CPVL: variants seen among roughly 807,000 people sequenced by gnomAD.
The protein encoded by CPVL is probable serine carboxypeptidase CPVL.
In CPVL, 51 loss-of-function variants were observed where a neutral mutation model predicts 63.7. The observed-to-expected ratio is 0.80, with a 90% confidence interval of 0.64 to 1.01. The LOEUF is 1.01. Among genes scored for constraint, CPVL ranks in the 50% least tolerant of loss-of-function variants. The pLI, the probability that CPVL is intolerant of heterozygous loss-of-function variation, is 0.00. For synonymous variants in CPVL, 195 were observed against 206.0 expected (o/e 0.95, Z 0.46); for missense variants, 530 against 573.1 (o/e 0.92, Z 0.77).
At chr7:29,085,418 A>G (rs776960480) in intron 7 of CPVL, among the ~76,000 whole-genome samples, 1 of 152,260 alleles carries the variant, frequency 6.6e-6, no homozygotes, top group Non-Finnish European at 1.5e-5. Flanking sequence ...ACAATCTGTG[A>G]ATCCACAGTA....
chr7:29,121,376 C>T (rs1002438697), intron 1 of CPVL, among the ~76,000 whole-genome samples: 100 of 152,040 alleles, frequency 6.6e-4, no homozygotes, highest in Non-Finnish European at 2.6e-4. Flanking sequence ...TCACGTCTCA[C>T]TGTTGCCTTG....
chr7:29,021,772 G>A (rs549065050), intron 12 of CPVL, among the ~76,000 whole-genome samples: 1 of 151,874 alleles, frequency 6.6e-6, no homozygotes, highest in Admixed American at 6.6e-5. Flanking sequence ...AAGCAGCTAC[G>A]GCATGGTGCC....
intron 11 of CPVL, among the ~76,000 whole-genome samples, chr7:29,062,373 A>T (rs766624402): frequency 2.6e-4 from 39 of 152,180 alleles, no homozygotes; most frequent in Admixed American, 2.0e-4. Flanking sequence ...AGCAGCAAGC[A>T]CTAAGGGCCA....
In CPVL at chr7:29,040,307, A is replaced by G. The variant is rs1224960526; in HGVS notation, c.1138-9548T>C. ...TCACTATTATCCAGCTCAACAAACA[A>G]TAATTCCCATGGGTTTCCCAAAAGC... On this transcript the variant is annotated intron_variant, in intron 11 of 12. Coordinates refer to ENST00000265394, the MANE Select transcript of CPVL (RefSeq NM_031311.5). Among the ~76,000 whole-genome samples the G allele has an allele frequency of 2.0e-5, 3 of 152,336 alleles. 1 individual carries two copies. The highest frequency in any genetic ancestry group is 3.4e-3 in the Middle Eastern group (1 of 292).
intron 1 of CPVL, among the ~76,000 whole-genome samples, chr7:29,144,453 C>A (rs1792234125): frequency 6.6e-6 from 1 of 152,118 alleles, no homozygotes; most frequent in Non-Finnish European, 1.5e-5. Flanking sequence ...TCCAGCTACT[C>A]AGGAGGCTGA....
chr7:29,096,387 A>G, intron 3 of CPVL, 170 bp from the exon 4 acceptor site: 2 of 607,492 alleles, frequency 3.3e-6, no homozygotes, highest in Non-Finnish European at 5.9e-6. Flanking sequence ...AGTACTGATC[A>G]TCTTTGGTTC....
intron 11 of CPVL, among the ~76,000 whole-genome samples, chr7:29,038,121 C>A (rs1288153467): frequency 6.6e-6 from 1 of 152,050 alleles, no homozygotes; most frequent in East Asian, 1.9e-4. Flanking sequence ...TTGGTTAGTC[C>A]AAATGGTGTT....
At chr7:29,079,799 G>A (rs1021942554) in intron 7 of CPVL, among the ~76,000 whole-genome samples, 1 of 152,120 alleles carries the variant, frequency 6.6e-6, no homozygotes, top group Non-Finnish European at 1.5e-5. Flanking sequence ...GTTAGTGCTT[G>A]AAATTACCCT....
intron 9 of CPVL, among the ~76,000 whole-genome samples, chr7:29,068,979 G>A (rs980943827): frequency 1.3e-5 from 2 of 151,162 alleles, no homozygotes; most frequent in African/African-American, 2.4e-5. Flanking sequence ...CACTGCGCCC[G>A]GCCGAGGTGT....
chr7:29,133,368 C>T lies in CPVL; in HGVS notation c.-10-12297G>A, dbSNP rs58686535. On this transcript the variant is annotated intron_variant, in intron 1 of 12. Coordinates refer to ENST00000265394, the MANE Select transcript of CPVL (RefSeq NM_031311.5). ...GACAGTGCCCCTTTGGCAAATTTATCGATGCCTTGCCTTCTGTAATTTGTG... is the reference window on the plus strand; with the variant it reads ...GACAGTGCCCCTTTGGCAAATTTATTGATGCCTTGCCTTCTGTAATTTGTG... Among the ~76,000 whole-genome samples the T allele has an allele frequency of 1.5e-3, 231 of 152,292 alleles. 1 individual carries two copies. The highest frequency in any genetic ancestry group is 5.3e-3 in the African/African-American group (222 of 41,558).
intron 7 of CPVL, chr7:29,081,458 G>A (rs1402776508): frequency 6.6e-6 from 1 of 152,188 alleles, no homozygotes; most frequent in African/African-American, 2.4e-5. Context: ...TCTCTGGTGT[G>A]GCCACACCAT....
At chr7:29,164,367 G>T (rs1795618668) in intron 5 of CPVL, among the ~76,000 whole-genome samples, 1 of 151,988 alleles carries the variant, frequency 6.6e-6, no homozygotes, top group African/African-American at 2.4e-5. Context: ...AGTTGTAAGG[G>T]TTTATTTTAT....
At chr7:29,097,134 T>A (rs2128612357) in intron 3 of CPVL, among the ~76,000 whole-genome samples, 1 of 152,086 alleles carries the variant, frequency 6.6e-6, no homozygotes, top group African/African-American at 2.4e-5. Context: ...AAGGTACAGA[T>A]TTATTTAGGA....
intron 11 of CPVL, among the ~76,000 whole-genome samples, chr7:29,063,641 G>A (rs1214825196): frequency 6.6e-6 from 1 of 152,086 alleles, no homozygotes; most frequent in African/African-American, 2.4e-5. Flanking sequence ...TGCGATCTTG[G>A]CTCACTGCAA....
At position 29,173,774 on chromosome 7, in the gene CPVL, C is replaced by CA. The variant is rs764330313; in HGVS notation, c.-11+7515dup. On this transcript the variant is annotated intron_variant, in intron 5 of 16. Coordinates refer to the CPVL transcript ENST00000409850. ...CAACATGGTGAAACCCTGTCTCTAC[C>CA]AAAAAAAAAAAAAAAAATTAGTCGA... 2.8e-3 allele frequency among the ~76,000 whole-genome samples: 335 copies of CA among 120,208 alleles called. 1 individual carries two copies. The highest frequency in any genetic ancestry group is 5.6e-3 in the East Asian group (24 of 4,260). The allele number at this position is 120,208 out of a possible 152,430, so 78.9% of individuals were successfully genotyped here. A position where few individuals can be genotyped will look rare whatever the true frequency, so the allele number is the denominator to read the frequency against.
intron 9 of CPVL, 64 bp downstream of exon 9, chr7:29,071,709 A>ATC: frequency 2.1e-6 from 1 of 472,932 alleles, no homozygotes. Context: ...GTTCCTGCTC[A>ATC]CCCGCCCTCC....
At chr7:29,100,195 C>A (rs1786962268) in intron 3 of CPVL, among the ~76,000 whole-genome samples, 2 of 152,154 alleles carry the variant, frequency 1.3e-5, no homozygotes, top group Admixed American at 1.3e-4. Context: ...TGCTGCGAGT[C>A]CAACTGATTC....
intron 11 of CPVL, among the ~76,000 whole-genome samples, chr7:29,063,178 C>T (rs571437377): frequency 6.6e-6 from 1 of 152,206 alleles, no homozygotes; most frequent in African/African-American, 2.4e-5. Flanking sequence ...TCACTCTCCA[C>T]TGGCACCTCC....
At chr7:29,072,226 A>G in intron 8 of CPVL, 75 bp downstream of exon 8, 2 of 1,533,192 alleles carry the variant, frequency 1.3e-6, no homozygotes, top group Non-Finnish European at 1.8e-6. Flanking sequence ...GACCTCTAAG[A>G]GGAGCCTTCC....
Sources: allele counts gnomAD v4.1 joint callset (sites outside exome capture counted in the v4.1 genomes callset), GRCh38; gene constraint gnomAD v4.1.1; transcripts MANE v1.5; gene names NCBI Gene and HGNC (gene_info 2026-07-23, HGNC 2026-07-21).